Variants in TACC1 observed in about 807,000 individuals in gnomAD.
TACC1 encodes the protein transforming acidic coiled-coil-containing protein 1.
Under a neutral mutation model 84.4 loss-of-function variants are expected in TACC1, and 48 were observed. That is an observed-to-expected ratio of 0.57 (90% CI 0.45 to 0.72). The LOEUF is 0.72. TACC1 is among the 30% of genes least tolerant of loss of function. The pLI is 0.00. For synonymous variants in TACC1, 372 were observed against 376.3 expected (o/e 0.99, Z 0.13); for missense variants, 920 against 973.0 (o/e 0.95, Z 0.72).
chr8:38,791,842 G>A (rs534649570), intron 2 of TACC1, among the ~76,000 whole-genome samples: 41 of 152,262 alleles, frequency 2.7e-4, no homozygotes, highest in African/African-American at 9.9e-4. Flanking sequence ...CCTCAAACGT[G>A]TGGGCTACAT....
chr8:38,827,430 A>G (rs987996738), intron 5 of TACC1, 55 bp downstream of exon 5: 3 of 1,568,874 alleles, frequency 1.9e-6, no homozygotes, highest in Middle Eastern at 1.7e-4. Context: ...AATGCCTGAA[A>G]GCCTAATAAA....
intron 11 of TACC1, among the ~76,000 whole-genome samples, chr8:38,844,128 G>A (rs1047710883): frequency 3.3e-5 from 5 of 152,022 alleles, no homozygotes; most frequent in Non-Finnish European, 7.4e-5. Context: ...TTCAACATAG[G>A]TATTTGTTTT....
intron 3 of TACC1, among the ~76,000 whole-genome samples, chr8:38,751,305 G>A (rs1335470315): frequency 1.3e-5 from 2 of 152,204 alleles, no homozygotes; most frequent in Non-Finnish European, 2.9e-5. Flanking sequence ...ATCTTAAAAT[G>A]GGATGTGCAG....
rs1832770826 is a variant in TACC1 at position 38,849,083 on chromosome 8, G to C, written c.*1060G>C. On this transcript the variant is annotated 3_prime_UTR_variant, in exon 13 of 13. Transcript: ENST00000317827. ...AGCACATTACCAATTATAAGGTGAA[G>C]AAATGTTTTTTTCCCAAGTGTGATG... The C allele has an allele frequency of 6.6e-6, 1 of 151,860 alleles. No individual in the cohort carries two copies. The highest frequency in any genetic ancestry group is 2.1e-4 in the South Asian group (1 of 4,830). The allele number at this position is 151,860 out of a possible 1,614,324, so 9.4% of individuals were successfully genotyped here.
intron 3 of TACC1, among the ~76,000 whole-genome samples, chr8:38,765,934 T>A (rs1324085693): frequency 1.3e-5 from 2 of 152,178 alleles, no homozygotes; most frequent in Non-Finnish European, 2.9e-5. Flanking sequence ...ATTTTAAGCA[T>A]TTTCGCTTCC....
At chr8:38,788,683 C>A in intron 1 of TACC1, 21 bp from the exon 2 acceptor site, 8 of 1,572,066 alleles carry the variant, frequency 5.1e-6, no homozygotes, top group Non-Finnish European at 6.1e-6. Context: ...GTGGTAATTC[C>A]TCATTTTTCC....
intron 1 of TACC1, among the ~76,000 whole-genome samples, chr8:38,740,877 A>G (rs931055898): frequency 6.6e-6 from 1 of 152,204 alleles, no homozygotes; most frequent in Non-Finnish European, 1.5e-5. Context: ...GTTGTGCTCT[A>G]TCTGTGCTTA....
intron 3 of TACC1, among the ~76,000 whole-genome samples, chr8:38,779,355 ACAGT>A (rs1361129846): frequency 6.6e-6 from 1 of 152,188 alleles, no homozygotes; most frequent in Non-Finnish European, 1.5e-5. Flanking sequence ...TGGTCACCAC[ACAGT>A]CACTTAGATG....
chr8:38,768,713 A>ATG (rs2151865594), intron 3 of TACC1, among the ~76,000 whole-genome samples: 1 of 150,678 alleles, frequency 6.6e-6, no homozygotes, highest in East Asian at 2.0e-4. Context: ...TATATGTGCA[A>ATG]TGTGTGTGTG....
intron 8 of TACC1, chr8:38,839,582 T>G (rs535685153): frequency 3.4e-6 from 1 of 290,588 alleles, no homozygotes; most frequent in South Asian, 1.7e-4. Flanking sequence ...AATAACCAAC[T>G]TGGATATGAC....
At chr8:38,825,431 T>TC in intron 4 of TACC1, 63 bp downstream of exon 4, 7 of 1,589,094 alleles carry the variant, frequency 4.4e-6, no homozygotes, top group Non-Finnish European at 5.2e-6. Flanking sequence ...GGAGTTTGCA[T>TC]CCCCCTGGCG....
upstream of TACC1, among the ~76,000 whole-genome samples, chr8:38,785,177 T>C (rs868496317): frequency 6.6e-6 from 1 of 151,998 alleles, no homozygotes; most frequent in African/African-American, 2.4e-5. Flanking sequence ...TTCGCAAAGC[T>C]CCCTCTGCAG....
In TACC1 at chr8:38,820,182, C is replaced by T. The variant is rs377342873; in HGVS notation, c.938C>T (p.Ser313Leu). ...NDSGVELGEESRSSPLKLEFD... is the reference protein window; with the variant it reads ...NDSGVELGEELRSSPLKLEFD... ...TCAGGGGTTGAGCTGGGGGAGGAGT[C>T]GAGGAGCTCACCTCTCAAGCTTGAG... The change falls in exon 3 of 13, where the codon TCG becomes TTG. Residue 313 changes from serine (S) to leucine (L), a missense_variant. Coordinates refer to ENST00000317827, the MANE Select transcript of TACC1 (RefSeq NM_006283.3). 12 of 1,613,852 alleles carry T rather than the reference C, an allele frequency of 7.4e-6. No individual in the cohort carries two copies. Among genetic ancestry groups the T allele is most frequent in the African/African-American group, 2.7e-5 (2 of 74,834 alleles).
rs947765817 is a variant in TACC1 at position 38,787,420 on chromosome 8, G to A, written c.-163G>A. ...CAGCGCCGGCTGCCGGCGGGAGGAA[G>A]CGCTCCACCAGGGCCCCCGACGGCA... On this transcript the variant is annotated 5_prime_UTR_variant, in exon 1 of 13. Transcript: ENST00000317827. 63 of 1,350,480 alleles carry A rather than the reference G, an allele frequency of 4.7e-5. 1 individual carries two copies. In the African/African-American group the frequency reaches 8.6e-4, roughly 18 times the overall value. The allele number at this position is 1,350,480 out of a possible 1,614,324, so 83.7% of individuals were successfully genotyped here.
chr8:38,818,288 T>C (rs948780084), intron 2 of TACC1, among the ~76,000 whole-genome samples: 4 of 152,212 alleles, frequency 2.6e-5, no homozygotes, highest in African/African-American at 9.6e-5. Flanking sequence ...TTGACTCTGA[T>C]CCTGGATTAG....
At chr8:38,742,427 C>T in exon 2 of TACC1, 1 of 1,529,504 alleles carries the variant, frequency 6.5e-7, no homozygotes, top group Non-Finnish European at 8.8e-7. Flanking sequence ...ACACTGAGAT[C>T]AAATGCAAAG....
At chr8:38,774,166 C>G (rs1004662192) in intron 3 of TACC1, among the ~76,000 whole-genome samples, 28 of 152,352 alleles carry the variant, frequency 1.8e-4, no homozygotes, top group African/African-American at 6.5e-4. Context: ...CTGCCTATCC[C>G]TGAGGCTTCA....
intron 3 of TACC1, among the ~76,000 whole-genome samples, chr8:38,823,662 C>A (rs888988236): frequency 6.6e-6 from 1 of 152,010 alleles, no homozygotes; most frequent in African/African-American, 2.4e-5. Flanking sequence ...TTTTTTAAGG[C>A]CTTATGCAAT....
At chr8:38,760,932 C>A (rs1316432998) in intron 3 of TACC1, among the ~76,000 whole-genome samples, 1 of 152,190 alleles carries the variant, frequency 6.6e-6, no homozygotes, top group Non-Finnish European at 1.5e-5. Context: ...TACCCATGAA[C>A]CAGATGCCAT....
Sources: allele counts gnomAD v4.1 joint callset (sites outside exome capture counted in the v4.1 genomes callset), GRCh38; gene constraint gnomAD v4.1.1; transcripts MANE v1.5; gene names NCBI Gene and HGNC (gene_info 2026-07-23, HGNC 2026-07-21).